Variants in TRIM5 observed in about 807,000 individuals in gnomAD.
TRIM5 encodes tripartite motif-containing protein 5.
Under a neutral mutation model 35.6 loss-of-function variants are expected in TRIM5, and 31 were observed. That is an observed-to-expected ratio of 0.87 (90% CI 0.65 to 1.18). The LOEUF (loss-of-function observed/expected upper bound fraction) is 1.18. Among genes scored for constraint, TRIM5 ranks in the 50% most tolerant of loss-of-function variants. TRIM5 has a pLI of 0.00. For missense variants in TRIM5, 609 were observed against 591.6 expected, an observed-to-expected ratio of 1.03 and a Z score of -0.31; for synonymous variants, 243 against 215.6, an observed-to-expected ratio of 1.13 and a Z score of -1.11.
chr11:5,679,649 A>T (rs918986828), intron 2 of TRIM5, 112 bp downstream of exon 2: 2 of 1,192,842 alleles, frequency 1.7e-6, no homozygotes, highest in African/African-American at 3.0e-5. Context: ...TGAAAAAAAT[A>T]ATCCCGGGTC....
At chr11:5,672,833 A>T (rs925889970) in intron 4 of TRIM5, among the ~76,000 whole-genome samples, 1 of 152,196 alleles carries the variant, frequency 6.6e-6, no homozygotes, top group Non-Finnish European at 1.5e-5. Flanking sequence ...ATTTTACTGG[A>T]ATTAAGTTAC....
chr11:5,671,649 G>A (rs10838513), intron 4 of TRIM5, among the ~76,000 whole-genome samples: 78,129 of 151,772 alleles, frequency 0.51, 23,973 homozygotes, highest in Non-Finnish European at 0.69. Flanking sequence ...AGGGAAAAAA[G>A]ACTTAAGAAA....
the TRIM5 span, among the ~76,000 whole-genome samples, chr11:5,606,848 T>G: frequency 6.6e-6 from 1 of 152,260 alleles, no homozygotes. Flanking sequence ...TTCTGGAATT[T>G]TCCCATCACA....
the TRIM5 span, among the ~76,000 whole-genome samples, chr11:5,656,203 C>CA: frequency 6.6e-6 from 1 of 152,134 alleles, no homozygotes; most frequent in Non-Finnish European, 1.5e-5. Context: ...AAACTATCAT[C>CA]AGAGTGAACA....
chr11:5,649,761 G>A, the TRIM5 span, among the ~76,000 whole-genome samples: 984 of 152,232 alleles, frequency 6.5e-3, 13 homozygotes, highest in Non-Finnish European at 0.011. Flanking sequence ...GTAGTGAGTG[G>A]TATCTCTCCC....
At chr11:5,627,823 T>C in the TRIM5 span, among the ~76,000 whole-genome samples, 1 of 152,200 alleles carries the variant, frequency 6.6e-6, no homozygotes, top group Non-Finnish European at 1.5e-5. Flanking sequence ...GTCTAGGATA[T>C]TGTCTAGAAA....
the TRIM5 span, among the ~76,000 whole-genome samples, chr11:5,657,654 T>C: frequency 8.5e-6 from 1 of 117,578 alleles, no homozygotes; most frequent in African/African-American, 3.4e-5. Context: ...ATATATTATA[T>C]ATAATATATA....
chr11:5,617,052 T>A, the TRIM5 span, among the ~76,000 whole-genome samples: 9 of 128,554 alleles, frequency 7.0e-5, 1 homozygote, highest in Non-Finnish European at 1.0e-4. Context: ...TTTTTTTTTT[T>A]AAATAAATGC....
chr11:5,595,279 G>C, the TRIM5 span: 1 of 152,134 alleles, frequency 6.6e-6, no homozygotes, highest in Admixed American at 6.5e-5. Flanking sequence ...TTTCTTCTCA[G>C]AGTTTCTGTG....
At chr11:5,592,147 A>G in the TRIM5 span, among the ~76,000 whole-genome samples, 9 of 152,198 alleles carry the variant, frequency 5.9e-5, no homozygotes, top group Non-Finnish European at 1.0e-4. Flanking sequence ...ACAAAAAGCT[A>G]TATTTAAGTG....
the TRIM5 span, among the ~76,000 whole-genome samples, chr11:5,649,122 T>G: frequency 6.6e-6 from 1 of 152,232 alleles, no homozygotes; most frequent in Non-Finnish European, 1.5e-5. Flanking sequence ...CAGTTTTCAC[T>G]TAAATGCAGT....
intron 5 of TRIM5, among the ~76,000 whole-genome samples, chr11:5,666,641 G>C (rs569387742): frequency 1.3e-5 from 2 of 152,152 alleles, no homozygotes; most frequent in Non-Finnish European, 2.9e-5. Flanking sequence ...TCAGATTTCC[G>C]GGAAAAATTA....
chr11:5,618,771 G>A, the TRIM5 span, among the ~76,000 whole-genome samples: 1 of 152,120 alleles, frequency 6.6e-6, no homozygotes, highest in Non-Finnish European at 1.5e-5. Flanking sequence ...TATACTCTGG[G>A]GGAGAAAAGA....
chr11:5,600,450 C>G, the TRIM5 span, among the ~76,000 whole-genome samples: 2 of 152,216 alleles, frequency 1.3e-5, no homozygotes, highest in Non-Finnish European at 2.9e-5. Flanking sequence ...CCACAGAACA[C>G]TAGATGGCAG....
chr11:5,646,308 T>C, the TRIM5 span, among the ~76,000 whole-genome samples: 18,914 of 151,922 alleles, frequency 0.12, 1,548 homozygotes, highest in East Asian at 0.38. Context: ...CTGACGTCAA[T>C]TTTTTCTCCA....
At chr11:5,672,207 T>C (rs1220372681) in intron 4 of TRIM5, among the ~76,000 whole-genome samples, 1 of 152,160 alleles carries the variant, frequency 6.6e-6, no homozygotes, top group African/African-American at 2.4e-5. Context: ...AAAATGTTTT[T>C]TCCTTTTTTT....
At chr11:5,629,676 C>T in the TRIM5 span, among the ~76,000 whole-genome samples, 5 of 152,248 alleles carry the variant, frequency 3.3e-5, no homozygotes, top group South Asian at 2.1e-4. Context: ...CAGACAGGGC[C>T]GCTTCAGGTG....
chr11:5,678,335 T>A lies in TRIM5; in HGVS notation c.613A>T (p.Lys205Ter). 1 of 1,613,948 alleles carries A rather than the reference T, an allele frequency of 6.2e-7. No homozygotes were observed. The highest frequency in any genetic ancestry group is 1.3e-5 in the African/African-American group (1 of 75,022). ...EESNELQNLE[K>*]EEEDILKSLT... ...CTTTTCAGAATGTCTTCCTCCTCCT[T>A]CTCCAGGTTTTGCAGCTCATTGCTC... The change falls in exon 4 of 8, where the codon AAG (lysine) becomes TAG (stop). Residue 205 changes from lysine to a stop codon, truncating the protein, a stop_gained. Transcript: ENST00000380034. LOFTEE classifies it high-confidence loss of function.
chr11:5,643,682 C>T, the TRIM5 span: 11 of 1,608,044 alleles, frequency 6.8e-6, no homozygotes, highest in Non-Finnish European at 9.3e-6. Context: ...GTCCAGCTCC[C>T]ATGACTCTAT....
Sources: gnomAD v4.1 joint callset for allele counts (sites outside exome capture counted in the v4.1 genomes callset) on GRCh38, gnomAD v4.1.1 for gene constraint, MANE v1.5 for transcripts, NCBI Gene and HGNC (gene_info 2026-07-23, HGNC 2026-07-21) for gene names.